The following EEFSEC variants were observed in gnomAD, a reference collection of about 807,000 sequenced individuals.
EEFSEC encodes the protein selenocysteine-specific elongation factor.
Under a neutral mutation model 42.1 loss-of-function variants are expected in EEFSEC, and 43 were observed. That is an observed-to-expected ratio of 1.02 (90% CI 0.80 to 1.32). The LOEUF is 1.32. Ranked by LOEUF, EEFSEC falls within the 40% of genes most tolerant of loss-of-function variation. The probability of loss-of-function intolerance (pLI) is 0.00; values close to 1 mark genes in which losing one functional copy is unlikely to be tolerated. For synonymous variants in EEFSEC, 354 were observed against 339.1 expected, an observed-to-expected ratio of 1.04 and a Z score of -0.48; for missense variants, 745 against 803.6, an observed-to-expected ratio of 0.93 and a Z score of 0.88.
chr3:128,355,609 T>TAAAAAAAAAAAA (rs5852542), intron 5 of EEFSEC, among the ~76,000 whole-genome samples: 1 of 122,722 alleles, frequency 8.1e-6, no homozygotes, highest in African/African-American at 3.0e-5. Context: ...AATGAAGCTG[T>TAAAAAAAAAAAA]AAAAAAAAAA....
intron 1 of EEFSEC, among the ~76,000 whole-genome samples, chr3:128,193,999 C>T (rs1246715354): frequency 1.2e-5 from 1 of 82,666 alleles, no homozygotes; most frequent in Non-Finnish European, 2.1e-5. Context: ...AGACCATCTT[C>T]CCCCATCCCC....
chr3:128,341,799 C>T lies in EEFSEC; in HGVS notation c.1353C>T (p.Leu451=). The T allele has an allele frequency of 6.2e-7, 1 of 1,614,106 alleles. No homozygotes were observed. The highest frequency in any genetic ancestry group is 1.3e-5 in the African/African-American group (1 of 75,068). Reference sequence around the variant, plus strand: ...GGCTAGCCTTCCATGGCATCCTGCTCCACGGGCTAGAGGACAGGAACTACG... The same window carrying T: ...GGCTAGCCTTCCATGGCATCCTGCTTCACGGGCTAGAGGACAGGAACTACG... ...TCRLAFHGIL[L]HGLEDRNYAD... Residue 451 remains leucine, a synonymous_variant, in exon 5 of 7, where the codon CTC becomes CTT. Coordinates refer to ENST00000254730, the MANE Select transcript of EEFSEC (RefSeq NM_021937.5).
At chr3:128,176,277 A>C (rs1163516827) in intron 1 of EEFSEC, among the ~76,000 whole-genome samples, 1 of 152,040 alleles carries the variant, frequency 6.6e-6, no homozygotes, top group African/African-American at 2.4e-5. Context: ...AATTGGTGAT[A>C]ATCCGATTGG....
intron 2 of EEFSEC, among the ~76,000 whole-genome samples, chr3:128,258,368 C>T (rs909610308): frequency 6.6e-6 from 1 of 152,176 alleles, no homozygotes; most frequent in Non-Finnish European, 1.5e-5. Context: ...GCTTTTGGGA[C>T]CAGAGTGCTG....
At chr3:128,235,205 C>G (rs1343953367) in intron 1 of EEFSEC, among the ~76,000 whole-genome samples, 1 of 151,120 alleles carries the variant, frequency 6.6e-6, no homozygotes, top group African/African-American at 2.4e-5. Flanking sequence ...TCTGGGACCA[C>G]AGGTGCACAC....
At chr3:128,371,622 C>T (rs1327111835) in intron 6 of EEFSEC, among the ~76,000 whole-genome samples, 1 of 152,158 alleles carries the variant, frequency 6.6e-6, no homozygotes, top group Non-Finnish European at 1.5e-5. Context: ...AGGCCTGAGG[C>T]TGGACAGTGG....
At chr3:128,183,493 C>T (rs1349395920) in intron 1 of EEFSEC, among the ~76,000 whole-genome samples, 3 of 152,186 alleles carry the variant, frequency 2.0e-5, no homozygotes, top group Non-Finnish European at 2.9e-5. Flanking sequence ...TTTTCCTGCA[C>T]TTTAATGTTA....
chr3:128,407,062 A>G (rs567606055), intron 6 of EEFSEC, among the ~76,000 whole-genome samples: 7 of 152,286 alleles, frequency 4.6e-5, no homozygotes, highest in East Asian at 3.9e-4. Flanking sequence ...TGTATGTGCA[A>G]TGAGGAGCCC....
chr3:128,422,026 G>A, the EEFSEC span, among the ~76,000 whole-genome samples: 4 of 152,174 alleles, frequency 2.6e-5, no homozygotes, highest in African/African-American at 7.2e-5. Flanking sequence ...TGGGGCAGTC[G>A]TGAAGACCAA....
chr3:128,154,179 G>C (rs1037290364), intron 1 of EEFSEC, among the ~76,000 whole-genome samples: 1 of 151,816 alleles, frequency 6.6e-6, no homozygotes, highest in Non-Finnish European at 1.5e-5. Context: ...ACATACAAAG[G>C]CTGTCTTCAT....
At chr3:128,372,650 C>A (rs1168099637) in intron 6 of EEFSEC, among the ~76,000 whole-genome samples, 1 of 152,228 alleles carries the variant, frequency 6.6e-6, no homozygotes, top group Non-Finnish European at 1.5e-5. Context: ...GTGTGCCAGA[C>A]TACCTGACAT....
intron 1 of EEFSEC, among the ~76,000 whole-genome samples, chr3:128,220,905 G>T (rs2107846653): frequency 6.6e-6 from 1 of 152,338 alleles, no homozygotes; most frequent in Admixed American, 6.5e-5. Flanking sequence ...GCAGTGCCAG[G>T]GTTCAAGTCC....
intron 3 of EEFSEC, among the ~76,000 whole-genome samples, chr3:128,263,338 G>C (rs767715675): frequency 6.6e-6 from 1 of 152,232 alleles, no homozygotes; most frequent in East Asian, 1.9e-4. Flanking sequence ...TCAGCTTCAC[G>C]GCCCCCCTGC....
At chr3:128,178,937 A>G (rs2065377845) in intron 1 of EEFSEC, among the ~76,000 whole-genome samples, 1 of 152,226 alleles carries the variant, frequency 6.6e-6, no homozygotes, top group Non-Finnish European at 1.5e-5. Flanking sequence ...TATGATGACT[A>G]GTGCCTGTGT....
At chr3:128,200,471 A>G (rs570609745) in intron 1 of EEFSEC, among the ~76,000 whole-genome samples, 2 of 152,202 alleles carry the variant, frequency 1.3e-5, no homozygotes, top group East Asian at 3.9e-4. Context: ...TATTTTTAGT[A>G]GAGATGGGGT....
intron 1 of EEFSEC, among the ~76,000 whole-genome samples, chr3:128,200,206 T>C (rs532170851): frequency 4.6e-5 from 7 of 152,362 alleles, no homozygotes; most frequent in African/African-American, 1.4e-4. Flanking sequence ...TCACTCTGGA[T>C]ATATTTATTG....
chr3:128,382,029 T>G (rs1037754787), intron 6 of EEFSEC, among the ~76,000 whole-genome samples: 2 of 152,054 alleles, frequency 1.3e-5, no homozygotes, highest in Admixed American at 6.5e-5. Flanking sequence ...CCGAATGTGG[T>G]TCTGTGAAGC....
intron 4 of EEFSEC, among the ~76,000 whole-genome samples, chr3:128,305,418 C>T (rs2066815908): frequency 6.6e-6 from 1 of 152,114 alleles, no homozygotes; most frequent in African/African-American, 2.4e-5. Flanking sequence ...CTCCTTTATT[C>T]TTTTTAAACA....
the EEFSEC span, among the ~76,000 whole-genome samples, chr3:128,418,396 CCCGACTCCT>C: frequency 5.9e-5 from 9 of 152,212 alleles, no homozygotes; most frequent in African/African-American, 2.2e-4. Flanking sequence ...GGCGGCTCTG[CCCGACTCCT>C]CTCCTGCCCC....
Sources: gnomAD v4.1 joint callset for allele counts (sites outside exome capture counted in the v4.1 genomes callset) on GRCh38, gnomAD v4.1.1 for gene constraint, MANE v1.5 for transcripts, NCBI Gene and HGNC (gene_info 2026-07-23, HGNC 2026-07-21) for gene names.